Variants in ATP11A observed in about 807,000 individuals in gnomAD.
The protein encoded by ATP11A is phospholipid-transporting ATPase IH.
ATP11A carries 81 observed loss-of-function variants against 154.4 expected under a neutral mutation model. That is an observed-to-expected ratio of 0.52 (90% CI 0.44 to 0.63). The LOEUF is 0.63. ATP11A is among the 30% of genes least tolerant of loss of function. ATP11A has a pLI of 0.00. For missense variants in ATP11A, 1,316 were observed against 1,474.3 expected, an observed-to-expected ratio of 0.89 and a Z score of 1.76; for synonymous variants, 623 against 585.9, an observed-to-expected ratio of 1.06 and a Z score of -0.91.
chr13:112,876,087 G>A, intron 28 of ATP11A, 146 bp downstream of exon 28: 1 of 833,880 alleles, frequency 1.2e-6, no homozygotes, highest in Non-Finnish European at 1.7e-6. Context: ...TCCTGACGGT[G>A]CATGATGTTA....
chr13:112,805,056 G>C lies in ATP11A; in HGVS notation c.252+10G>C. The C allele has an allele frequency of 4.4e-6, 7 of 1,586,192 alleles. No homozygotes were observed. The highest frequency in any genetic ancestry group is 5.2e-6 in the Non-Finnish European group (6 of 1,162,944). On this transcript the variant is annotated intron_variant, in intron 3 of 29. Coordinates refer to ENST00000375645, the MANE Select transcript of ATP11A (RefSeq NM_015205.3). ...CATATTTCTGGTGCAGGTAAGGCCG[G>C]TCATTGTTTTCCATCTCATCACATA...
chr13:112,820,223 C>T (rs963929505), intron 8 of ATP11A, among the ~76,000 whole-genome samples: 3 of 152,196 alleles, frequency 2.0e-5, no homozygotes, highest in South Asian at 2.1e-4. Flanking sequence ...GTCAGGGTCC[C>T]GTGGAGCAGT....
At chr13:112,835,157 T>C (rs914987543) in intron 15 of ATP11A, among the ~76,000 whole-genome samples, 1 of 152,006 alleles carries the variant, frequency 6.6e-6, no homozygotes, top group African/African-American at 2.4e-5. Flanking sequence ...TTGGATTGTT[T>C]TACTTTTCAT....
chr13:112,732,093 T>C (rs1245581627), intron 1 of ATP11A, among the ~76,000 whole-genome samples: 1 of 152,174 alleles, frequency 6.6e-6, no homozygotes, highest in Non-Finnish European at 1.5e-5. Context: ...AGTTCGGTCC[T>C]GTCGGGAAGT....
Position 112,810,335 on chromosome 13 carries a change from A to G in ATP11A, c.334-284A>G, listed in dbSNP as rs1026534448. ...GTCCATGTCATGAATAGGCACAAAA[A>G]GTACAGTTGTATAGTACTTATACAC... On this transcript the variant is annotated intron_variant, in intron 4 of 29. Coordinates refer to ENST00000375645, the MANE Select transcript of ATP11A (RefSeq NM_015205.3). Among the ~76,000 whole-genome samples the G allele has an allele frequency of 5.9e-5, 9 of 152,256 alleles. No individual in the cohort carries two copies. In the East Asian group the frequency reaches 1.3e-3, roughly 23 times the overall value.
intron 5 of ATP11A, among the ~76,000 whole-genome samples, chr13:112,812,988 C>G (rs949420694): frequency 3.3e-5 from 5 of 152,196 alleles, no homozygotes; most frequent in African/African-American, 1.2e-4. Context: ...ACAGTGTCTG[C>G]CCACAGAAAA....
chr13:112,835,505 G>A (rs9549568), intron 15 of ATP11A, among the ~76,000 whole-genome samples: 40,920 of 152,158 alleles, frequency 0.27, 5,687 homozygotes, highest in East Asian at 0.37. Context: ...ACTCACTGCC[G>A]TTGAGGCTCC....
intron 16 of ATP11A, 46 bp from the exon 17 acceptor site, chr13:112,842,230 T>G: frequency 7.2e-7 from 1 of 1,396,074 alleles, no homozygotes; most frequent in Non-Finnish European, 1.0e-6. Context: ...AATAATCTAG[T>G]CTTCCCCATA....
Position 112,785,358 on chromosome 13 carries a change from C to G in ATP11A, c.162+101C>G, listed in dbSNP as rs1016604744. The G allele has an allele frequency of 3.9e-6, 5 of 1,288,158 alleles. No individual in the cohort carries two copies. In the African/African-American group the frequency reaches 7.6e-5, roughly 20 times the overall value. 79.8% of individuals were successfully genotyped at this position (1,288,158 alleles called of 1,614,324 possible). A position where few individuals can be genotyped will look rare whatever the true frequency, so the allele number is the denominator to read the frequency against. ...TCAAAGAGCGGCTCTGCTCCTGGCC[C>G]TGCTGTCACAGCCACCAGCCACCCC... On this transcript the variant is annotated intron_variant, in intron 2 of 29. Coordinates refer to ENST00000375645, the MANE Select transcript of ATP11A (RefSeq NM_015205.3). This position sits in a 1 kb window ranked among gnomAD's most constrained non-coding sequence, Gnocchi z 4.8.
At chr13:112,878,103 T>C (rs561186502) in intron 28 of ATP11A, 114 bp from the exon 29 acceptor site, 7 of 992,278 alleles carry the variant, frequency 7.1e-6, no homozygotes, top group African/African-American at 6.3e-5. Flanking sequence ...AACTCAGCTC[T>C]GTCTCTTGTT....
At chr13:112,790,756 C>A (rs1334005848) in intron 2 of ATP11A, among the ~76,000 whole-genome samples, 6 of 152,180 alleles carry the variant, frequency 3.9e-5, no homozygotes, top group Non-Finnish European at 8.8e-5. Context: ...GGCATGTAGA[C>A]CCCTGTGGTT....
At chr13:112,786,799 G>A (rs2077638927) in intron 2 of ATP11A, among the ~76,000 whole-genome samples, 1 of 152,260 alleles carries the variant, frequency 6.6e-6, no homozygotes, top group Non-Finnish European at 1.5e-5. Context: ...GCCCTCACCT[G>A]TAGACGCATT....
Position 112,872,861 on chromosome 13 carries a change from A to C in ATP11A, c.3058-712A>C, listed in dbSNP as rs9549582. On this transcript the variant is annotated intron_variant, in intron 26 of 29. Coordinates refer to ENST00000375645, the MANE Select transcript of ATP11A (RefSeq NM_015205.3). ...GAGGTGTGGCTTTGTCTTCCTGAGC[A>C]GTGTGAGCTGTGGCTTTGTCTCCCG... is the stretch of plus-strand genomic sequence containing the variant. 3.1e-5 allele frequency among the ~76,000 whole-genome samples: 3 copies of C among 97,854 alleles called. No individual in the cohort carries two copies. In the East Asian group the frequency reaches 1.1e-3, roughly 35 times the overall value. The allele number at this position is 97,854 out of a possible 152,430, so 64.2% of individuals were successfully genotyped here. A position where few individuals can be genotyped will look rare whatever the true frequency, so the allele number is the denominator to read the frequency against.
At chr13:112,776,375 A>G (rs1236470984) in intron 1 of ATP11A, among the ~76,000 whole-genome samples, 1 of 151,932 alleles carries the variant, frequency 6.6e-6, no homozygotes, top group East Asian at 1.9e-4. Context: ...GTTCCTTTCC[A>G]TGCTTTATTA....
At chr13:112,872,915 T>C (rs78408907) in intron 26 of ATP11A, among the ~76,000 whole-genome samples, 1 of 141,674 alleles carries the variant, frequency 7.1e-6, no homozygotes, top group Non-Finnish European at 1.6e-5. Flanking sequence ...TTTGTCTTCC[T>C]GAGCGGTGTG....
chr13:112,863,228 G>A (rs867974805), intron 25 of ATP11A, among the ~76,000 whole-genome samples: 15 of 128,392 alleles, frequency 1.2e-4, no homozygotes, highest in South Asian at 2.7e-4. Context: ...GCTTCCCAGC[G>A]GGGTCCATCA....
At chr13:112,725,157 C>T (rs987466393) in intron 1 of ATP11A, among the ~76,000 whole-genome samples, 1 of 152,198 alleles carries the variant, frequency 6.6e-6, no homozygotes, top group Admixed American at 6.5e-5. Flanking sequence ...ACAAGAGACA[C>T]TGCAAACCCC....
intron 2 of ATP11A, among the ~76,000 whole-genome samples, chr13:112,797,276 C>A (rs2078023821): frequency 1.9e-5 from 2 of 105,206 alleles, no homozygotes; most frequent in African/African-American, 4.0e-5. Context: ...AGAGTGAAAA[C>A]TCCATCTCAA....
chr13:112,807,645 C>G lies in ATP11A; in HGVS notation c.333+1352C>G, dbSNP rs2078360508. Among the ~76,000 whole-genome samples the G allele has an allele frequency of 1.3e-5, 2 of 152,168 alleles. No homozygotes were observed. Among genetic ancestry groups the G allele is most frequent in the African/African-American group, 2.4e-5 (1 of 41,438 alleles). The stretch of plus-strand genomic sequence containing the variant: ...ACGATGGGTTTTCTCATCAACTTCA[C>G]AAGGAAATGGTGCTGAAGGAAACGA... On this transcript the variant is annotated intron_variant, in intron 4 of 29. Transcript: ENST00000375645. This position sits in a 1 kb window ranked among gnomAD's most constrained non-coding sequence, Gnocchi z 4.5.
Sources: allele counts gnomAD v4.1 joint callset (sites outside exome capture counted in the v4.1 genomes callset), GRCh38; gene constraint gnomAD v4.1.1; non-coding constraint Gnocchi (gnomAD v3.1); transcripts MANE v1.5; gene names NCBI Gene and HGNC (gene_info 2026-07-23, HGNC 2026-07-21).